Variants in GPATCH2 observed in about 807,000 individuals in gnomAD.
GPATCH2 encodes the protein G-patch domain containing 2, also known as G patch domain-containing protein 2.
Under a neutral mutation model 58.0 loss-of-function variants are expected in GPATCH2, and 51 were observed. The ratio of observed to expected loss-of-function variants is 0.88; its 90% CI spans 0.70 to 1.11. GPATCH2 has a LOEUF of 1.11. Among genes scored for constraint, GPATCH2 ranks in the 50% most tolerant of loss-of-function variants. The pLI is 0.00. For missense variants in GPATCH2, 625 were observed against 652.2 expected (o/e 0.96, Z 0.45); for synonymous variants, 222 against 218.5 (o/e 1.02, Z -0.14).
intron 5 of GPATCH2, among the ~76,000 whole-genome samples, chr1:217,565,483 G>C (rs1043257197): frequency 1.3e-5 from 2 of 152,080 alleles, no homozygotes; most frequent in Non-Finnish European, 2.9e-5. Context: ...TCATAATAGT[G>C]ATGAGCAAAA....
chr1:217,467,872 A>T (rs972393129), intron 8 of GPATCH2, among the ~76,000 whole-genome samples: 8 of 152,284 alleles, frequency 5.3e-5, no homozygotes, highest in Admixed American at 5.2e-4. Flanking sequence ...AGCCTAGAAA[A>T]TGTAAACATA....
chr1:217,511,912 G>A (rs895884666), intron 6 of GPATCH2, among the ~76,000 whole-genome samples: 1 of 152,100 alleles, frequency 6.6e-6, no homozygotes, highest in Non-Finnish European at 1.5e-5. Context: ...GTGGTGTCCT[G>A]TGGCTTCTCC....
Position 217,612,322 on chromosome 1 carries a change from T to C in GPATCH2, c.836-1251A>G, listed in dbSNP as rs73105676. 8.2e-3 allele frequency among the ~76,000 whole-genome samples: 1,246 copies of C among 152,344 alleles called. 15 individuals carry two copies. The highest frequency in any genetic ancestry group is 0.022 in the African/African-American group (934 of 41,574). On this transcript the variant is annotated intron_variant, in intron 3 of 9. Coordinates refer to ENST00000366935, the MANE Select transcript of GPATCH2 (RefSeq NM_018040.5). ...CTGGTTTCTAAGAGGGTCGTTGTAA[T>C]TGTCATAAACTTTTCCCTTTACAGA...
intron 5 of GPATCH2, among the ~76,000 whole-genome samples, chr1:217,534,849 A>C (rs921873602): frequency 6.6e-6 from 1 of 152,224 alleles, no homozygotes; most frequent in African/African-American, 2.4e-5. Context: ...ACTTAGCTCA[A>C]CTTGGCACTA....
At chr1:217,610,804 T>G in intron 4 of GPATCH2, 85 bp downstream of exon 4, 6 of 918,706 alleles carry the variant, frequency 6.5e-6, no homozygotes, top group Non-Finnish European at 1.0e-5. Context: ...TTCTCTAATT[T>G]CCACTTTATC....
At chr1:217,579,843 T>C (rs1666978135) in intron 5 of GPATCH2, among the ~76,000 whole-genome samples, 1 of 152,130 alleles carries the variant, frequency 6.6e-6, no homozygotes, top group African/African-American at 2.4e-5. Flanking sequence ...TCTTACCAAA[T>C]GAAATGAGAA....
intron 5 of GPATCH2, among the ~76,000 whole-genome samples, chr1:217,585,906 C>T (rs1025501336): frequency 1.3e-5 from 2 of 152,130 alleles, no homozygotes; most frequent in African/African-American, 2.4e-5. Flanking sequence ...ACCTCTACAG[C>T]ATGTTACTGT....
At chr1:217,602,922 T>C (rs529560128) in intron 5 of GPATCH2, among the ~76,000 whole-genome samples, 1 of 152,316 alleles carries the variant, frequency 6.6e-6, no homozygotes, top group Non-Finnish European at 1.5e-5. Flanking sequence ...AGAATTTATT[T>C]ATATTTATTA....
chr1:217,438,330 T>G (rs1658948919), intron 9 of GPATCH2, among the ~76,000 whole-genome samples: 1 of 152,032 alleles, frequency 6.6e-6, no homozygotes, highest in African/African-American at 2.4e-5. Flanking sequence ...TCTTCTCCTC[T>G]AAAGGATCAC....
intron 5 of GPATCH2, among the ~76,000 whole-genome samples, chr1:217,523,319 A>C (rs1191631910): frequency 6.6e-6 from 1 of 151,670 alleles, no homozygotes; most frequent in Non-Finnish European, 1.5e-5. Context: ...AGGACCCTGC[A>C]GCCTTCCGCA....
intron 5 of GPATCH2, among the ~76,000 whole-genome samples, chr1:217,588,557 C>T (rs1021968725): frequency 2.6e-5 from 4 of 152,004 alleles, no homozygotes; most frequent in Admixed American, 1.3e-4. Flanking sequence ...ATATGACATT[C>T]TCAGAAAAAT....
intron 5 of GPATCH2, among the ~76,000 whole-genome samples, chr1:217,580,426 A>T (rs1197744663): frequency 6.6e-6 from 1 of 152,192 alleles, no homozygotes; most frequent in African/African-American, 2.4e-5. Context: ...CTAATAGGTA[A>T]ACAATTTTAC....
intron 5 of GPATCH2, among the ~76,000 whole-genome samples, chr1:217,573,267 A>G (rs1666651395): frequency 6.6e-6 from 1 of 152,144 alleles, no homozygotes; most frequent in African/African-American, 2.4e-5. Flanking sequence ...GCATTAACCA[A>G]TGTAAGACAT....
intron 8 of GPATCH2, among the ~76,000 whole-genome samples, chr1:217,488,386 T>G (rs1406308712): frequency 6.6e-6 from 1 of 152,214 alleles, no homozygotes; most frequent in Non-Finnish European, 1.5e-5. Flanking sequence ...CCTATTGCTC[T>G]TTGCTTTATA....
chr1:217,514,327 T>A (rs1663014942), intron 6 of GPATCH2, among the ~76,000 whole-genome samples: 1 of 151,562 alleles, frequency 6.6e-6, no homozygotes, highest in Non-Finnish European at 1.5e-5. Context: ...ACCTGGATAC[T>A]TTTTGTATTT....
intron 5 of GPATCH2, among the ~76,000 whole-genome samples, chr1:217,593,557 T>G (rs1226963119): frequency 6.6e-6 from 1 of 152,078 alleles, no homozygotes; most frequent in Non-Finnish European, 1.5e-5. Flanking sequence ...TCTGTACCAC[T>G]CTTCCTAAAT....
intron 5 of GPATCH2, among the ~76,000 whole-genome samples, chr1:217,599,789 C>T (rs1036929547): frequency 1.3e-5 from 2 of 151,950 alleles, no homozygotes; most frequent in East Asian, 1.9e-4. Context: ...ATTCATCTGA[C>T]AAATGATATA....
chr1:217,525,074 T>C (rs569751928), intron 5 of GPATCH2, among the ~76,000 whole-genome samples: 1 of 151,418 alleles, frequency 6.6e-6, no homozygotes, highest in African/African-American at 2.4e-5. Flanking sequence ...CCCAATCTAT[T>C]TACCTAAATA....
chr1:217,532,877 C>CTTT (rs1308640256), intron 5 of GPATCH2, among the ~76,000 whole-genome samples: 1 of 134,270 alleles, frequency 7.4e-6, no homozygotes, highest in Non-Finnish European at 1.6e-5. Context: ...TGCTCTTTAT[C>CTTT]TTTTTTTTGT....
Sources: gnomAD v4.1 joint callset for allele counts (sites outside exome capture counted in the v4.1 genomes callset) on GRCh38, gnomAD v4.1.1 for gene constraint, MANE v1.5 for transcripts, NCBI Gene and HGNC (gene_info 2026-07-23, HGNC 2026-07-21) for gene names.